The following DSCAML1 variants were observed in gnomAD, a reference collection of about 807,000 sequenced individuals.
DSCAML1 encodes DS cell adhesion molecule like 1.
DSCAML1 carries 38 observed loss-of-function variants against 200.5 expected under a neutral mutation model. The observed-to-expected ratio is 0.19, with a 90% CI of 0.15 to 0.25. The LOEUF (loss-of-function observed/expected upper bound fraction) is 0.25. Ranked by LOEUF, DSCAML1 falls within the 10% of genes least tolerant of loss-of-function variation. DSCAML1 has a pLI of 1.00. For synonymous variants in DSCAML1, 1,215 were observed against 1,165.0 expected, an observed-to-expected ratio of 1.04 and a Z score of -0.87; for missense variants, 2,223 against 2,858.8, an observed-to-expected ratio of 0.78 and a Z score of 5.07.
At chr11:117,777,418 C>A (rs1304543389) in intron 2 of DSCAML1, among the ~76,000 whole-genome samples, 2 of 152,152 alleles carry the variant, frequency 1.3e-5, no homozygotes. Flanking sequence ...ACACAGTGAC[C>A]ATAATGCACC....
Position 117,731,308 on chromosome 11 carries a change from C to T in DSCAML1, c.511+45483G>A, listed in dbSNP as rs79990831. Among the ~76,000 whole-genome samples the T allele has an allele frequency of 2.3e-4, 35 of 152,216 alleles. No homozygotes were observed. The East Asian group carries it at 6.0e-3, about 26-fold the overall frequency. ...CTCTGGTTCACCTGAGAAGTTATGA[C>T]GCCAGAACAGGGGAGATACTGCTTT... On this transcript the variant is annotated intron_variant, in intron 3 of 32. Transcript: ENST00000651296.
At chr11:117,566,417 C>T (rs1467156532) in intron 3 of DSCAML1, among the ~76,000 whole-genome samples, 5 of 150,954 alleles carry the variant, frequency 3.3e-5, no homozygotes, top group Middle Eastern at 3.4e-3. Flanking sequence ...GTGCAATCAC[C>T]GCTCACTGCA....
chr11:117,661,363 G>A (rs1327629694), intron 3 of DSCAML1, among the ~76,000 whole-genome samples: 1 of 152,204 alleles, frequency 6.6e-6, no homozygotes, highest in Non-Finnish European at 1.5e-5. Context: ...CAAGGGAGGA[G>A]GAAAATGGGA....
rs763953263 is a variant in DSCAML1 at position 117,504,906 on chromosome 11, G to T, written c.2182+18C>A. 2.5e-6 allele frequency: 4 copies of T among 1,586,440 alleles called. No homozygotes were observed. In the South Asian group the frequency reaches 4.6e-5, roughly 18 times the overall value. On this transcript the variant is annotated intron_variant, in intron 10 of 32. Transcript: ENST00000651296. This position sits in a 1 kb window ranked among gnomAD's most constrained non-coding sequence, Gnocchi z 5.0. ...GTCCCTGCCCTTCTTGGAGATTCTG[G>T]CTGGGCCAGGGGCTTACCCTTGGCA...
At chr11:117,465,339 T>C (rs1387436004) in intron 16 of DSCAML1, among the ~76,000 whole-genome samples, 157 bp from the exon 17 acceptor site, 1 of 152,190 alleles carries the variant, frequency 6.6e-6, no homozygotes, top group Non-Finnish European at 1.5e-5. Context: ...ATGGCTACTC[T>C]ACCCTGTGTG....
chr11:117,686,342 G>C (rs11216502), intron 3 of DSCAML1, among the ~76,000 whole-genome samples: 43,210 of 152,136 alleles, frequency 0.28, 7,182 homozygotes, highest in African/African-American at 0.46. Flanking sequence ...GTTCCCAGAG[G>C]ACAGCACAAT....
Position 117,516,441 on chromosome 11 carries a change from G to A in DSCAML1, c.1783+26C>T. ...CATCCTGGGTGGTCAGGCGGGCAGGGGCCCTGGCTGGTGAGGGAGGCCTAC... is the reference window on the plus strand; with the variant it reads ...CATCCTGGGTGGTCAGGCGGGCAGGAGCCCTGGCTGGTGAGGGAGGCCTAC... On this transcript the variant is annotated intron_variant, in intron 8 of 32. Transcript: ENST00000651296. The surrounding 1 kb of genome is among the most constrained non-coding windows in gnomAD (Gnocchi z 5.7). The A allele has an allele frequency of 6.2e-7, 1 of 1,601,334 alleles. No individual in the cohort carries two copies. Among genetic ancestry groups the A allele is most frequent in the Admixed American group, 1.7e-5 (1 of 59,582 alleles).
chr11:117,564,531 C>A (rs995947098), intron 3 of DSCAML1, among the ~76,000 whole-genome samples: 9 of 152,194 alleles, frequency 5.9e-5, no homozygotes, highest in Non-Finnish European at 1.3e-4. Flanking sequence ...GCAAAGCACC[C>A]TCCTGCCTCA....
chr11:117,432,634 T>G (rs1192036962), intron 29 of DSCAML1, 130 bp from the exon 30 acceptor site: 1 of 1,084,564 alleles, frequency 9.2e-7, no homozygotes, highest in Admixed American at 2.5e-5. Context: ...TTTGTTTTTT[T>G]GAGACAGGGT....
chr11:117,461,682 G>A lies in DSCAML1; in HGVS notation c.3266-86C>T, dbSNP rs1042663087. ...GCAATTGTGTCCCAGGCTGGGTCCC[G>A]CAGTCCAACCAGAGGAGCGTCCAGT... On this transcript the variant is annotated intron_variant, in intron 17 of 32. Transcript: ENST00000651296. 42 of 1,382,776 alleles carry A rather than the reference G, an allele frequency of 3.0e-5. No homozygotes were observed. The Admixed American group carries it at 4.0e-4, about 13-fold the overall frequency. 85.7% of individuals were successfully genotyped at this position (1,382,776 alleles called of 1,614,324 possible).
intron 18 of DSCAML1, among the ~76,000 whole-genome samples, 153 bp downstream of exon 18, chr11:117,461,297 C>T (rs537845398): frequency 5.9e-5 from 9 of 152,172 alleles, no homozygotes; most frequent in African/African-American, 1.4e-4. Flanking sequence ...TAGCCATTAT[C>T]GCCCCCCGTG....
In DSCAML1 at chr11:117,433,105, C is replaced by T. The variant is rs370580690; in HGVS notation, c.5026+33G>A. 7 of 1,579,432 alleles carry T rather than the reference C, an allele frequency of 4.4e-6. No individual in the cohort carries two copies. The Admixed American group carries it at 5.0e-5, about 11-fold the overall frequency. ...TTGTAGCCTGGGGAAGCACACCCAG[C>T]AGGACAGGGAACTTGTGGCACCTGT... On this transcript the variant is annotated intron_variant, in intron 29 of 32. Coordinates refer to ENST00000651296, the MANE Select transcript of DSCAML1 (RefSeq NM_020693.4).
intron 32 of DSCAML1, 68 bp from the exon 33 acceptor site, chr11:117,428,871 C>T (rs1214999113): frequency 7.0e-7 from 1 of 1,420,274 alleles, no homozygotes; most frequent in Admixed American, 2.1e-5. Context: ...GTTCAGCCCC[C>T]ACCCCATCCC....
intron 3 of DSCAML1, among the ~76,000 whole-genome samples, chr11:117,659,491 T>C (rs770754102): frequency 1.3e-5 from 2 of 152,230 alleles, no homozygotes; most frequent in Non-Finnish European, 2.9e-5. Context: ...AGACTATCTT[T>C]CAAAACAGCT....
intron 3 of DSCAML1, among the ~76,000 whole-genome samples, chr11:117,670,198 G>GT (rs1381608883): frequency 6.6e-6 from 1 of 152,138 alleles, no homozygotes; most frequent in African/African-American, 2.4e-5. Flanking sequence ...ATGCATAGGA[G>GT]TGGGATCTGG....
At chr11:117,783,928 C>T (rs1249308613) in intron 1 of DSCAML1, among the ~76,000 whole-genome samples, 2 of 152,180 alleles carry the variant, frequency 1.3e-5, no homozygotes, top group African/African-American at 4.8e-5. Flanking sequence ...TCCCCAGGCC[C>T]CCTCTACTCC....
At chr11:117,530,034 G>A (rs959797403) in intron 4 of DSCAML1, among the ~76,000 whole-genome samples, 2 of 152,036 alleles carry the variant, frequency 1.3e-5, no homozygotes, top group South Asian at 2.1e-4. Flanking sequence ...ATGTCCCTCC[G>A]TTCTGCCTTT....
At chr11:117,647,521 G>A (rs968544784) in intron 3 of DSCAML1, among the ~76,000 whole-genome samples, 4 of 152,208 alleles carry the variant, frequency 2.6e-5, no homozygotes, top group Admixed American at 6.5e-5. Context: ...ACAGGTCAAC[G>A]GGCATAAAGA....
At position 117,642,943 on chromosome 11, in the gene DSCAML1, T is replaced by G. The variant is rs1591355218; in HGVS notation, c.512-110421A>C. On this transcript the variant is annotated intron_variant, in intron 3 of 32. Coordinates refer to ENST00000651296, the MANE Select transcript of DSCAML1 (RefSeq NM_020693.4). This position sits in a 1 kb window ranked among gnomAD's most constrained non-coding sequence, Gnocchi z 4.1. ...GACGCCAGGACAGTTTTCCCCAACC[T>G]TCCTCACCAGAAACGCAAAACTCCT... Among the ~76,000 whole-genome samples, 1 of 152,144 alleles carries G rather than the reference T, an allele frequency of 6.6e-6. No homozygotes were observed.
Sources: allele counts gnomAD v4.1 joint callset (sites outside exome capture counted in the v4.1 genomes callset), GRCh38; gene constraint gnomAD v4.1.1; non-coding constraint Gnocchi (gnomAD v3.1); transcripts MANE v1.5; gene names NCBI Gene and HGNC (gene_info 2026-07-23, HGNC 2026-07-21).